DISP1: variants seen among roughly 807,000 people sequenced by gnomAD.
The protein encoded by DISP1 is protein dispatched homolog 1.
Under a neutral mutation model 37.3 loss-of-function variants are expected in DISP1, and 30 were observed. That is an observed-to-expected ratio of 0.80 (90% CI 0.60 to 1.09). The LOEUF is 1.09. Among genes scored for constraint, DISP1 ranks in the 50% least tolerant of loss-of-function variants. The pLI, the probability that DISP1 is intolerant of heterozygous loss-of-function variation, is 0.00. For synonymous variants in DISP1, 634 were observed against 690.2 expected, an observed-to-expected ratio of 0.92 and a Z score of 1.28; for missense variants, 1,598 against 1,879.5, an observed-to-expected ratio of 0.85 and a Z score of 2.77.
intron 2 of DISP1, among the ~76,000 whole-genome samples, chr1:222,936,616 GATATATATATCTCTCATATATAT>G (rs1558339144): frequency 4.5e-5 from 4 of 89,462 alleles, no homozygotes; most frequent in Non-Finnish European, 9.2e-5. Flanking sequence ...ATATATATGA[GATATATATATCTCTCATATATAT>G]GAGATATATA....
intron 1 of DISP1, among the ~76,000 whole-genome samples, chr1:222,826,883 T>C (rs1365000921): frequency 1.3e-5 from 2 of 152,232 alleles, no homozygotes; most frequent in Non-Finnish European, 2.9e-5. Context: ...ACTCCTTTAC[T>C]ATAAAGCTGA....
At chr1:222,972,074 G>A (rs188821642) in intron 3 of DISP1, among the ~76,000 whole-genome samples, 4 of 152,052 alleles carry the variant, frequency 2.6e-5, no homozygotes, top group Admixed American at 2.0e-4. Context: ...AGATATTTTC[G>A]ATTATAGTTT....
chr1:222,871,206 G>C (rs914341638), intron 1 of DISP1, among the ~76,000 whole-genome samples: 1 of 152,212 alleles, frequency 6.6e-6, no homozygotes, highest in African/African-American at 2.4e-5. Flanking sequence ...TTGTAGTATA[G>C]TTTGAAGTCC....
At position 222,872,929 on chromosome 1, in the gene DISP1, C is replaced by T. The variant is rs529632844; in HGVS notation, c.-158-55501C>T. On this transcript the variant is annotated intron_variant, in intron 1 of 8. Coordinates refer to ENST00000675850, the MANE Select transcript of DISP1 (RefSeq NM_001377229.1). ...GGCATTTAGTGCTATAAATTTCCCTCTACACACTGCTTTGAATGAGTCCCA... is the reference window on the plus strand; with the variant it reads ...GGCATTTAGTGCTATAAATTTCCCTTTACACACTGCTTTGAATGAGTCCCA... 7.9e-5 allele frequency among the ~76,000 whole-genome samples: 12 copies of T among 152,292 alleles called. No homozygotes were observed. In the South Asian group the frequency reaches 2.5e-3, roughly 32 times the overall value.
At chr1:222,822,446 T>C (rs1431083785) in intron 1 of DISP1, among the ~76,000 whole-genome samples, 1 of 152,182 alleles carries the variant, frequency 6.6e-6, no homozygotes, top group Admixed American at 6.5e-5. Context: ...TCTACATTTA[T>C]AAGCAGAAAG....
At chr1:222,910,683 T>C (rs141694466) in intron 1 of DISP1, among the ~76,000 whole-genome samples, 98 of 152,322 alleles carry the variant, frequency 6.4e-4, no homozygotes, top group African/African-American at 8.4e-4. Context: ...ATATGTCCAA[T>C]AGGACCTTGT....
At chr1:222,918,906 G>A (rs1206115623) in intron 1 of DISP1, among the ~76,000 whole-genome samples, 1 of 152,248 alleles carries the variant, frequency 6.6e-6, no homozygotes. Context: ...AGCCACAAAA[G>A]CCTTTGCTTT....
rs374828854 is a variant in DISP1 at position 222,884,360 on chromosome 1, T to C, written c.-158-44070T>C. ...TCAATTTTGCCAGTTTTTTCACTTA[T>C]ATCCTTTCTCTGGCCCAGATCCAAT... On this transcript the variant is annotated intron_variant, in intron 1 of 8. Transcript: ENST00000675850. 2.6e-5 allele frequency among the ~76,000 whole-genome samples: 4 copies of C among 152,190 alleles called. No individual in the cohort carries two copies. In the East Asian group the frequency reaches 5.8e-4, roughly 22 times the overall value.
At chr1:222,830,459 C>T (rs1665464165) in intron 1 of DISP1, among the ~76,000 whole-genome samples, 1 of 152,020 alleles carries the variant, frequency 6.6e-6, no homozygotes, top group African/African-American at 2.4e-5. Context: ...CGGCTCCCTG[C>T]AATCTCCACC....
chr1:222,969,966 A>C (rs1558059473), intron 3 of DISP1, among the ~76,000 whole-genome samples: 1 of 152,210 alleles, frequency 6.6e-6, no homozygotes, highest in African/African-American at 2.4e-5. Context: ...TAGACAAAAC[A>C]TTAAGTGAAA....
intron 2 of DISP1, among the ~76,000 whole-genome samples, chr1:222,942,220 G>A (rs1674437141): frequency 6.6e-6 from 1 of 151,916 alleles, no homozygotes; most frequent in African/African-American, 2.4e-5. Context: ...CTGATATTTT[G>A]GTTGCTAGAA....
Position 222,921,149 on chromosome 1 carries a change from T to G in DISP1, c.-158-7281T>G, listed in dbSNP as rs189280377. On this transcript the variant is annotated intron_variant, in intron 1 of 8. Coordinates refer to ENST00000675850, the MANE Select transcript of DISP1 (RefSeq NM_001377229.1). ...ACATGGTGAAACACCCTGTCTCTAC[T>G]AAAAATACAAAAATTAGCCGGATGT... 3.1e-3 allele frequency among the ~76,000 whole-genome samples: 477 copies of G among 152,120 alleles called. 3 individuals carry two copies. The highest frequency in any genetic ancestry group is 0.011 in the African/African-American group (461 of 41,518).
chr1:222,960,758 A>G (rs1175944901), intron 3 of DISP1, among the ~76,000 whole-genome samples: 2 of 152,144 alleles, frequency 1.3e-5, no homozygotes, highest in Non-Finnish European at 2.9e-5. Context: ...AATCAAATCG[A>G]CACAATAAAA....
intron 3 of DISP1, among the ~76,000 whole-genome samples, chr1:222,953,248 T>C (rs574800314): frequency 5.8e-4 from 88 of 152,334 alleles, no homozygotes; most frequent in African/African-American, 1.9e-3. Flanking sequence ...CAGTGCCTGT[T>C]ACCAAATTTT....
intron 3 of DISP1, among the ~76,000 whole-genome samples, chr1:222,971,046 T>A (rs1676908922): frequency 6.6e-6 from 1 of 152,138 alleles, no homozygotes. Context: ...TTTTTTTTCT[T>A]TTCTAATCTC....
intron 2 of DISP1, among the ~76,000 whole-genome samples, chr1:222,929,191 C>CA (rs1192880976): frequency 6.6e-6 from 1 of 152,002 alleles, no homozygotes; most frequent in African/African-American, 2.4e-5. Flanking sequence ...ATGTTTCATG[C>CA]ATTACATGGT....
At chr1:222,854,461 A>G (rs1465235460) in intron 1 of DISP1, among the ~76,000 whole-genome samples, 1 of 152,124 alleles carries the variant, frequency 6.6e-6, no homozygotes, top group Non-Finnish European at 1.5e-5. Context: ...ATCATGGGGG[A>G]AACTGCCCCC....
chr1:222,899,557 A>C (rs184099991), intron 1 of DISP1, among the ~76,000 whole-genome samples: 2 of 152,078 alleles, frequency 1.3e-5, no homozygotes, highest in Non-Finnish European at 2.9e-5. Context: ...TACAGGAATG[A>C]GATTGTTTAA....
chr1:222,938,610 A>G (rs1674140504), intron 2 of DISP1, among the ~76,000 whole-genome samples: 1 of 151,234 alleles, frequency 6.6e-6, no homozygotes, highest in Non-Finnish European at 1.5e-5. Context: ...GTACATGCCT[A>G]TGGTCCCAGC....
Sources: allele counts gnomAD v4.1 joint callset (sites outside exome capture counted in the v4.1 genomes callset), GRCh38; gene constraint gnomAD v4.1.1; transcripts MANE v1.5; gene names NCBI Gene and HGNC (gene_info 2026-07-23, HGNC 2026-07-21).